The following GRIN2A variants were observed in gnomAD, a reference collection of about 807,000 sequenced individuals.
GRIN2A encodes glutamate ionotropic receptor NMDA type subunit 2A, also known as glutamate receptor ionotropic, NMDA 2A.
In GRIN2A, 22 loss-of-function variants were observed where a neutral mutation model predicts 113.4. The observed-to-expected ratio is 0.19, with a 90% CI of 0.14 to 0.28. The LOEUF is 0.28. Ranked by LOEUF, GRIN2A falls within the 10% of genes least tolerant of loss-of-function variation. The pLI is 1.00. For missense variants in GRIN2A, 1,502 were observed against 1,887.0 expected (o/e 0.80, Z 3.78); for synonymous variants, 827 against 738.4 (o/e 1.12, Z -1.94).
intron 10 of GRIN2A, among the ~76,000 whole-genome samples, chr16:9,807,800 G>C (rs1423354986): frequency 6.6e-6 from 1 of 152,178 alleles, no homozygotes; most frequent in Non-Finnish European, 1.5e-5. Context: ...AACTGGCTCT[G>C]CATACTTTGT....
At chr16:9,892,934 A>G (rs1162885499) in intron 3 of GRIN2A, among the ~76,000 whole-genome samples, 4 of 107,330 alleles carry the variant, frequency 3.7e-5, no homozygotes, top group African/African-American at 9.3e-5. Context: ...CTAAAAAGTG[A>G]AAAAAAAAAA....
intron 2 of GRIN2A, among the ~76,000 whole-genome samples, chr16:9,955,075 G>C (rs192921326): frequency 1.6e-4 from 25 of 152,244 alleles, no homozygotes; most frequent in Admixed American, 1.0e-3. Context: ...ATAAATCCTT[G>C]CAGCCATTTG....
chr16:10,114,694 G>C lies in GRIN2A; in HGVS notation c.414+65304C>G, dbSNP rs527845593. 5.3e-5 allele frequency among the ~76,000 whole-genome samples: 8 copies of C among 152,288 alleles called. No individual in the cohort carries two copies. The South Asian group carries it at 1.7e-3, about 32-fold the overall frequency. ...GATTTCTGACAGTATTTCCCAAGAAGGCAAACAGAGCCCAAAGCCTGTGCT... is the reference window on the plus strand; with the variant it reads ...GATTTCTGACAGTATTTCCCAAGAACGCAAACAGAGCCCAAAGCCTGTGCT... On this transcript the variant is annotated intron_variant, in intron 2 of 12. Transcript: ENST00000330684.
chr16:9,805,953 C>T (rs2041958178), intron 10 of GRIN2A, among the ~76,000 whole-genome samples: 1 of 152,172 alleles, frequency 6.6e-6, no homozygotes, highest in African/African-American at 2.4e-5. Context: ...CTAAAACTGG[C>T]TTTGGGAAAA....
chr16:9,873,830 A>T (rs933266568), intron 4 of GRIN2A, among the ~76,000 whole-genome samples: 2 of 152,194 alleles, frequency 1.3e-5, no homozygotes, highest in African/African-American at 4.8e-5. Flanking sequence ...TTCTTCAAAC[A>T]CACTTTAATT....
intron 4 of GRIN2A, among the ~76,000 whole-genome samples, chr16:9,881,049 G>C (rs1239796082): frequency 2.6e-5 from 4 of 152,150 alleles, no homozygotes; most frequent in Non-Finnish European, 5.9e-5. Flanking sequence ...ACAAATAAGT[G>C]TGTGAATAAA....
intron 2 of GRIN2A, among the ~76,000 whole-genome samples, chr16:10,057,209 G>A (rs528267835): frequency 1.3e-5 from 2 of 152,298 alleles, no homozygotes; most frequent in South Asian, 4.2e-4. Context: ...GTAGTAGCAC[G>A]ATATTATGGG....
At chr16:10,029,511 G>C (rs932751638) in intron 2 of GRIN2A, among the ~76,000 whole-genome samples, 1 of 151,924 alleles carries the variant, frequency 6.6e-6, no homozygotes, top group Non-Finnish European at 1.5e-5. Flanking sequence ...AAGAAAAACA[G>C]TATTTTAAAA....
intron 2 of GRIN2A, among the ~76,000 whole-genome samples, chr16:9,985,736 T>TAA (rs2045967761): frequency 6.6e-6 from 1 of 152,156 alleles, no homozygotes; most frequent in Admixed American, 6.5e-5. Context: ...TAGTGATGGT[T>TAA]AATGAGTACA....
chr16:10,058,462 C>G (rs1001708865), intron 2 of GRIN2A, among the ~76,000 whole-genome samples: 2 of 151,900 alleles, frequency 1.3e-5, no homozygotes, highest in Non-Finnish European at 2.9e-5. Flanking sequence ...ACAATGATTT[C>G]AAAATAATTT....
At chr16:10,065,922 T>C (rs1224205660) in intron 2 of GRIN2A, among the ~76,000 whole-genome samples, 1 of 152,098 alleles carries the variant, frequency 6.6e-6, no homozygotes, top group African/African-American at 2.4e-5. Context: ...GAAACATGGG[T>C]CTCTTACGAA....
intron 2 of GRIN2A, among the ~76,000 whole-genome samples, chr16:10,155,490 C>G (rs770060024): frequency 6.6e-6 from 1 of 152,186 alleles, no homozygotes; most frequent in Non-Finnish European, 1.5e-5. Context: ...AAATAGTGGA[C>G]ATCCCTTCTA....
In GRIN2A at chr16:9,761,374, G is replaced by T. The variant is rs150995003; in HGVS notation, c.*1775C>A. The T allele has an allele frequency of 4.3e-6, 1 of 230,414 alleles. No individual in the cohort carries two copies. Among genetic ancestry groups the T allele is most frequent in the Non-Finnish European group, 8.6e-6 (1 of 116,374 alleles). 14.3% of individuals were successfully genotyped at this position (230,414 alleles called of 1,614,324 possible). Reference sequence around the variant, plus strand: ...CTTCAAGAATGTAAAGCAGAATGCAGGAGGAAACCAGGAAATGGCCAGGCG... The same window carrying T: ...CTTCAAGAATGTAAAGCAGAATGCATGAGGAAACCAGGAAATGGCCAGGCG... On this transcript the variant is annotated 3_prime_UTR_variant, in exon 13 of 13. Transcript: ENST00000330684.
chr16:9,842,194 T>G (rs995690553), intron 5 of GRIN2A, among the ~76,000 whole-genome samples: 1 of 151,182 alleles, frequency 6.6e-6, no homozygotes. Flanking sequence ...GGGGCTGCAG[T>G]GAGCCAATAT....
chr16:9,981,959 G>T (rs1445105852), intron 2 of GRIN2A, among the ~76,000 whole-genome samples: 4 of 151,924 alleles, frequency 2.6e-5, no homozygotes, highest in Non-Finnish European at 5.9e-5. Context: ...GCTAATTTTT[G>T]TATTTTTAGT....
chr16:10,044,298 C>T (rs1384678814), intron 2 of GRIN2A, among the ~76,000 whole-genome samples: 1 of 152,032 alleles, frequency 6.6e-6, no homozygotes, highest in African/African-American at 2.4e-5. Context: ...TCCCAAAGTG[C>T]TGGGATTACG....
chr16:10,086,377 C>T (rs953978975), intron 2 of GRIN2A, among the ~76,000 whole-genome samples: 2 of 151,980 alleles, frequency 1.3e-5, no homozygotes, highest in Non-Finnish European at 2.9e-5. Context: ...TTCCTTGGGC[C>T]TTCTAGATCT....
intron 10 of GRIN2A, among the ~76,000 whole-genome samples, chr16:9,816,917 G>A (rs1006718488): frequency 3.3e-5 from 5 of 152,130 alleles, no homozygotes; most frequent in Admixed American, 1.3e-4. Context: ...GGTCACTGAC[G>A]CTCATCCACC....
At chr16:10,135,007 C>G (rs2049162949) in intron 2 of GRIN2A, among the ~76,000 whole-genome samples, 1 of 152,196 alleles carries the variant, frequency 6.6e-6, no homozygotes, top group South Asian at 2.1e-4. Context: ...CTAATTTTAG[C>G]ATCTTTTGCA....
Sources: gnomAD v4.1 joint callset for allele counts (sites outside exome capture counted in the v4.1 genomes callset) on GRCh38, gnomAD v4.1.1 for gene constraint, MANE v1.5 for transcripts, NCBI Gene and HGNC (gene_info 2026-07-23, HGNC 2026-07-21) for gene names.